RAB3IL1: variants seen among roughly 807,000 people sequenced by gnomAD.
RAB3IL1 encodes RAB3A interacting protein like 1.
A neutral mutation model predicts 49.2 loss-of-function variants in RAB3IL1; 37 were observed. The observed-to-expected ratio is 0.75, with a 90% CI of 0.58 to 0.99. The LOEUF (loss-of-function observed/expected upper bound fraction) is 0.99, where lower values mean the gene tolerates loss of function less well. Ranked by LOEUF, RAB3IL1 falls within the 50% of genes least tolerant of loss-of-function variation. The pLI is 0.00. For synonymous variants in RAB3IL1, 193 were observed against 213.9 expected (o/e 0.90, Z 0.85); for missense variants, 484 against 513.0 (o/e 0.94, Z 0.55).
chr11:61,903,656 TGAG>T (rs1461935790), intron 7 of RAB3IL1, among the ~76,000 whole-genome samples: 1 of 152,110 alleles, frequency 6.6e-6, no homozygotes, highest in Non-Finnish European at 1.5e-5. Context: ...CCCGAGCAGC[TGAG>T]ATTACAGGCG....
the RAB3IL1 span, among the ~76,000 whole-genome samples, chr11:61,944,698 G>A: frequency 6.6e-6 from 1 of 152,102 alleles, no homozygotes; most frequent in African/African-American, 2.4e-5. Flanking sequence ...GTCATCTAAT[G>A]TTTGTTTTTG....
upstream of RAB3IL1, among the ~76,000 whole-genome samples, chr11:61,920,955 A>T (rs887616778): frequency 1.2e-4 from 18 of 152,048 alleles, no homozygotes; most frequent in African/African-American, 4.3e-4. Flanking sequence ...AAAAACTGTT[A>T]TTTTTTATTT....
At chr11:61,943,043 T>C in the RAB3IL1 span, among the ~76,000 whole-genome samples, 1 of 152,196 alleles carries the variant, frequency 6.6e-6, no homozygotes, top group African/African-American at 2.4e-5. Context: ...GGACCCCAAA[T>C]AGCTAAAACC....
chr11:61,927,706 G>T, the RAB3IL1 span, among the ~76,000 whole-genome samples: 4 of 24,702 alleles, frequency 1.6e-4, no homozygotes, highest in East Asian at 5.3e-3. Context: ...TTTCCCCCCT[G>T]CTGTTCTTGT....
chr11:61,920,028 G>A, upstream of RAB3IL1: 11 of 1,247,914 alleles, frequency 8.8e-6, no homozygotes, highest in Non-Finnish European at 1.1e-5. Flanking sequence ...CATGCCCCAG[G>A]TCCTGAGCTC....
upstream of RAB3IL1, among the ~76,000 whole-genome samples, chr11:61,921,915 G>T (rs929821489): frequency 6.6e-6 from 1 of 152,154 alleles, no homozygotes; most frequent in African/African-American, 2.4e-5. Context: ...GTGGCCAGGT[G>T]CGGTGGCTCA....
chr11:61,907,067 C>T (rs932822233), intron 4 of RAB3IL1, among the ~76,000 whole-genome samples: 94 of 152,298 alleles, frequency 6.2e-4, no homozygotes, highest in African/African-American at 2.2e-3. Context: ...GCTCAGACAG[C>T]CATACTGAGT....
At chr11:61,909,682 G>A (rs1016661830) in intron 1 of RAB3IL1, among the ~76,000 whole-genome samples, 1 of 152,230 alleles carries the variant, frequency 6.6e-6, no homozygotes, top group African/African-American at 2.4e-5. Flanking sequence ...TCCTGTTTGG[G>A]GAAGTCTTGT....
the RAB3IL1 span, among the ~76,000 whole-genome samples, chr11:61,935,419 CAAA>C: frequency 4.1e-5 from 4 of 97,012 alleles, no homozygotes; most frequent in Non-Finnish European, 4.2e-5. Flanking sequence ...GACTGTGTCT[CAAA>C]AAAAAAAAAA....
At chr11:61,923,563 G>A (rs1348109195), upstream of RAB3IL1, among the ~76,000 whole-genome samples, 1 of 152,200 alleles carries the variant, frequency 6.6e-6, no homozygotes, top group African/African-American at 2.4e-5. Flanking sequence ...AGGGCTGGGC[G>A]CTCAGCAGAG....
chr11:61,899,018 G>A (rs1272045560), intron 9 of RAB3IL1: 2 of 535,742 alleles, frequency 3.7e-6, no homozygotes, highest in African/African-American at 3.7e-5. Context: ...CTGTGTTCAG[G>A]TGACCAGGAG....
At chr11:61,938,824 G>A in the RAB3IL1 span, among the ~76,000 whole-genome samples, 10 of 152,042 alleles carry the variant, frequency 6.6e-5, no homozygotes, top group Non-Finnish European at 1.5e-4. Flanking sequence ...TATTTGGGAG[G>A]CTGAGGCAGG....
chr11:61,935,199 A>G, the RAB3IL1 span, among the ~76,000 whole-genome samples: 1 of 152,074 alleles, frequency 6.6e-6, no homozygotes, highest in African/African-American at 2.4e-5. Flanking sequence ...GAGGCCATGA[A>G]TCACGAGGTC....
intron 1 of RAB3IL1, among the ~76,000 whole-genome samples, chr11:61,917,152 C>T (rs947082285): frequency 6.6e-6 from 1 of 152,018 alleles, no homozygotes; most frequent in African/African-American, 2.4e-5. Context: ...GCTGCCCACC[C>T]TTCGCACCCT....
chr11:61,915,053 T>C (rs1197531354), intron 1 of RAB3IL1, among the ~76,000 whole-genome samples: 1 of 152,092 alleles, frequency 6.6e-6, no homozygotes, highest in African/African-American at 2.4e-5. Flanking sequence ...CTCACCCAAA[T>C]GGGGGGCCAT....
chr11:61,930,009 C>CG, the RAB3IL1 span, among the ~76,000 whole-genome samples: 1 of 150,256 alleles, frequency 6.7e-6, no homozygotes, highest in African/African-American at 2.4e-5. Flanking sequence ...TCCCCTGCCT[C>CG]GGCCTCCTAA....
At chr11:61,907,697 A>G (rs1015490415) in intron 2 of RAB3IL1, 37 bp from the exon 3 acceptor site, 1 of 1,595,704 alleles carries the variant, frequency 6.3e-7, no homozygotes, top group Non-Finnish European at 8.6e-7. Flanking sequence ...GCACCTCAGC[A>G]TCCCCAGGCC....
the RAB3IL1 span, among the ~76,000 whole-genome samples, chr11:61,932,794 C>T: frequency 4.9e-5 from 6 of 122,356 alleles, no homozygotes; most frequent in Admixed American, 1.0e-4. Context: ...TTTTTTGAGA[C>T]GGAGTCTCAC....
In RAB3IL1 at chr11:61,897,348, T is replaced by A. The variant is rs1050884453; in HGVS notation, c.*930A>T. On this transcript the variant is annotated 3_prime_UTR_variant, in exon 10 of 10. Transcript: ENST00000394836. ...TAAATAGAGATCGCGTTACATTCCA[T>A]CCAAAGAAGGAAATCCGGACGTGGT... 6.6e-6 allele frequency: 1 copy of A among 152,620 alleles called. No homozygotes were observed. The highest frequency in any genetic ancestry group is 2.1e-4 in the South Asian group (1 of 4,824). The allele number at this position is 152,620 out of a possible 1,614,324, so 9.5% of individuals were successfully genotyped here.
Sources: gnomAD v4.1 joint callset for allele counts (sites outside exome capture counted in the v4.1 genomes callset) on GRCh38, gnomAD v4.1.1 for gene constraint, MANE v1.5 for transcripts, NCBI Gene and HGNC (gene_info 2026-07-23, HGNC 2026-07-21) for gene names.